The following COL11A1 variants were observed in gnomAD, a reference collection of about 807,000 sequenced individuals.
COL11A1 encodes collagen alpha-1(XI) chain.
In COL11A1, 74 loss-of-function variants were observed where a neutral mutation model predicts 265.2. The observed-to-expected ratio is 0.28, with a 90% CI of 0.23 to 0.34. The LOEUF (loss-of-function observed/expected upper bound fraction) is 0.34, where lower values mean the gene tolerates loss of function less well. Ranked by LOEUF, COL11A1 falls within the 10% of genes least tolerant of loss-of-function variation. The pLI, the probability that COL11A1 is intolerant of heterozygous loss-of-function variation, is 1.00. For synonymous variants in COL11A1, 816 were observed against 727.6 expected, an observed-to-expected ratio of 1.12 and a Z score of -1.96; for missense variants, 2,165 against 2,263.6, an observed-to-expected ratio of 0.96 and a Z score of 0.88.
chr1:103,066,445 A>G (rs1161077364), intron 4 of COL11A1, among the ~76,000 whole-genome samples: 2 of 151,776 alleles, frequency 1.3e-5, no homozygotes, highest in Non-Finnish European at 2.9e-5. Context: ...ACATTTTGGT[A>G]CAAATTTTAC....
intron 24 of COL11A1, among the ~76,000 whole-genome samples, chr1:102,999,632 A>G (rs555942262): frequency 7.2e-5 from 11 of 151,952 alleles, no homozygotes; most frequent in African/African-American, 2.6e-4. Context: ...AAATTTTATG[A>G]AATATTTTTA....
intron 29 of COL11A1, 104 bp from the exon 30 acceptor site, chr1:102,987,844 C>T (rs1269197539): frequency 1.2e-6 from 1 of 847,682 alleles, no homozygotes; most frequent in East Asian, 2.5e-5. Context: ...TAATAAACTC[C>T]ATCTTGCCTT....
In COL11A1 at chr1:103,006,522, C is replaced by T. The variant is rs1465647485; in HGVS notation, c.1684-207G>A. Among the ~76,000 whole-genome samples, 10 of 124,608 alleles carry T rather than the reference C, an allele frequency of 8.0e-5. 1 individual carries two copies. In the South Asian group the frequency reaches 1.1e-3, roughly 14 times the overall value. 81.7% of individuals were successfully genotyped at this position (124,608 alleles called of 152,430 possible). A position where few individuals can be genotyped will look rare whatever the true frequency, so the allele number is the denominator to read the frequency against. ...ATAAATACCTATTTTTTCTAAATGG[C>T]TCCATTTTTTTTTTTTTTTTTTTTT... On this transcript the variant is annotated intron_variant, in intron 15 of 66. Coordinates refer to ENST00000370096, the MANE Select transcript of COL11A1 (RefSeq NM_001854.4).
intron 46 of COL11A1, among the ~76,000 whole-genome samples, chr1:102,929,029 C>T (rs1235587351): frequency 2.1e-5 from 3 of 141,324 alleles, no homozygotes; most frequent in Non-Finnish European, 4.6e-5. Flanking sequence ...AATTTTCTCC[C>T]ATTTTGTAGG....
intron 51 of COL11A1, 85 bp from the exon 52 acceptor site, chr1:102,914,490 A>C (rs142797840): frequency 1.5e-6 from 2 of 1,306,600 alleles, no homozygotes; most frequent in East Asian, 5.0e-5. Flanking sequence ...AAGAGGTTAA[A>C]GTCATGACAA....
In COL11A1 at chr1:102,882,177, T is replaced by C. The variant is rs1416287010; in HGVS notation, c.4972-412A>G. Among the ~76,000 whole-genome samples the C allele has an allele frequency of 7.0e-5, 4 of 57,282 alleles. No individual in the cohort carries two copies. In the East Asian group the frequency reaches 6.5e-3, roughly 93 times the overall value. The allele number at this position is 57,282 out of a possible 152,430, so 37.6% of individuals were successfully genotyped here. A position where few individuals can be genotyped will look rare whatever the true frequency, so the allele number is the denominator to read the frequency against. On this transcript the variant is annotated intron_variant, in intron 64 of 66. Transcript: ENST00000370096. ...GCCAAGGAACATGTTTGAAAGTATT[T>C]AGCCAGTAGCTAAGGAGATATACTG...
chr1:103,071,869 GTATA>G (rs67216828), intron 4 of COL11A1, among the ~76,000 whole-genome samples: 103,112 of 147,558 alleles, frequency 0.7, 36,399 homozygotes, highest in East Asian at 0.9. Context: ...ATATGTGTTT[GTATA>G]TATATATATA....
At chr1:102,886,761 A>G in intron 63 of COL11A1, 46 bp downstream of exon 63, 1 of 1,613,098 alleles carries the variant, frequency 6.2e-7, no homozygotes, top group Non-Finnish European at 8.5e-7. Flanking sequence ...CACCTCAGAA[A>G]CTCAGGGGCT....
chr1:103,018,749 A>G (rs1279100491), intron 10 of COL11A1, 69 bp downstream of exon 10: 16 of 1,180,048 alleles, frequency 1.4e-5, no homozygotes, highest in Non-Finnish European at 2.0e-5. Context: ...GTTCTCATTC[A>G]GTAATTAATA....
At chr1:102,964,550 T>C (rs1157480840) in intron 38 of COL11A1, among the ~76,000 whole-genome samples, 3 of 151,754 alleles carry the variant, frequency 2.0e-5, no homozygotes, top group Non-Finnish European at 4.4e-5. Context: ...TTATACATAT[T>C]CCTAAAAACA....
intron 46 of COL11A1, among the ~76,000 whole-genome samples, chr1:102,927,028 T>A (rs1014382546): frequency 5.9e-5 from 9 of 152,180 alleles, no homozygotes; most frequent in Non-Finnish European, 8.8e-5. Context: ...TAAACATTTA[T>A]TAAGTGTTTT....
intron 14 of COL11A1, among the ~76,000 whole-genome samples, chr1:103,009,364 A>T (rs1665915881): frequency 6.6e-6 from 1 of 152,226 alleles, no homozygotes; most frequent in Admixed American, 6.5e-5. Context: ...CAGAGAGCCA[A>T]GATAGCACCA....
At chr1:103,064,936 A>G (rs1230575307) in intron 4 of COL11A1, among the ~76,000 whole-genome samples, 1 of 152,086 alleles carries the variant, frequency 6.6e-6, no homozygotes, top group Non-Finnish European at 1.5e-5. Context: ...TTTTTAGTGC[A>G]GTAAAATTAT....
In COL11A1 at chr1:102,888,659, TAAAGA is replaced by T. The variant is rs1407255272; in HGVS notation, c.4555-34_4555-30del. On this transcript the variant is annotated intron_variant, in intron 61 of 66. Transcript: ENST00000370096. ...TTAGAAAGAAGAGAGAGGACATAAA[TAAAGA>T]AGAGGCAATTAAATAGGTTTCAATG... 2.1e-5 allele frequency: 34 copies of T among 1,613,612 alleles called. No homozygotes were observed. The East Asian group carries it at 7.4e-4, about 35-fold the overall frequency.
rs2622852 is a variant in COL11A1, at chr1:102,969,871, G to A, written c.2862+348C>T. ...TTTAGAGTGGAGAGATGATGGGTTTGAGTGGAATGTATCTATAAACAGTCT... is the reference window on the plus strand; with the variant it reads ...TTTAGAGTGGAGAGATGATGGGTTTAAGTGGAATGTATCTATAAACAGTCT... On this transcript the variant is annotated intron_variant, in intron 37 of 66. Transcript: ENST00000370096. Among the ~76,000 whole-genome samples the A allele has an allele frequency of 3.1e-3, 466 of 152,164 alleles. 3 individuals are homozygous for A. The highest frequency in any genetic ancestry group is 0.011 in the African/African-American group (448 of 41,530).
At chr1:102,976,524 C>G (rs1001331345) in intron 35 of COL11A1, among the ~76,000 whole-genome samples, 7 of 151,910 alleles carry the variant, frequency 4.6e-5, no homozygotes, top group African/African-American at 1.7e-4. Context: ...GTCTCGAACT[C>G]CTGACCTCAG....
In COL11A1 at chr1:103,008,413, T is replaced by A. The variant is rs747790983; in HGVS notation, c.1683+50A>T. 43 of 1,446,806 alleles carry A rather than the reference T, an allele frequency of 3.0e-5. No individual in the cohort carries two copies. The African/African-American group carries it at 5.2e-4, about 17-fold the overall frequency. 89.6% of individuals were successfully genotyped at this position (1,446,806 alleles called of 1,614,324 possible). On this transcript the variant is annotated intron_variant, in intron 15 of 66. Transcript: ENST00000370096. ...TGATGCATTCTCGAAGGAATTATGC[T>A]GTATCAAAGAAGCCAGTCAAGAATA...
intron 37 of COL11A1, among the ~76,000 whole-genome samples, chr1:102,966,853 C>A (rs987696191): frequency 6.6e-6 from 1 of 152,124 alleles, no homozygotes; most frequent in Non-Finnish European, 1.5e-5. Context: ...CAGTATGAGC[C>A]CTAAAACTCT....
At chr1:103,028,820 A>G (rs987336836) in intron 5 of COL11A1, among the ~76,000 whole-genome samples, 1 of 152,158 alleles carries the variant, frequency 6.6e-6, no homozygotes, top group Non-Finnish European at 1.5e-5. Context: ...AAAGATTGTC[A>G]CTTCATTTTC....
Sources: gnomAD v4.1 joint callset for allele counts (sites outside exome capture counted in the v4.1 genomes callset) on GRCh38, gnomAD v4.1.1 for gene constraint, MANE v1.5 for transcripts, NCBI Gene and HGNC (gene_info 2026-07-23, HGNC 2026-07-21) for gene names.